The following HEATR4 variants were observed in gnomAD, a reference collection of about 807,000 sequenced individuals.
HEATR4 encodes HEAT repeat-containing protein 4.
HEATR4 carries 95 observed loss-of-function variants against 108.8 expected under a neutral mutation model. The ratio of observed to expected loss-of-function variants is 0.87; its 90% confidence interval spans 0.74 to 1.04. The LOEUF is 1.04. Among genes scored for constraint, HEATR4 ranks in the 50% least tolerant of loss-of-function variants. The probability of loss-of-function intolerance (pLI) is 0.00; values close to 1 mark genes in which losing one functional copy is unlikely to be tolerated. For missense variants in HEATR4, 1,152 were observed against 1,253.8 expected (o/e 0.92, Z 1.23); for synonymous variants, 443 against 459.4 (o/e 0.96, Z 0.46).
At chr14:73,520,551 T>C in intron 4 of HEATR4, 1 of 263,858 alleles carries the variant, frequency 3.8e-6, no homozygotes, top group Non-Finnish European at 7.1e-6. Flanking sequence ...GGGAGAAGGG[T>C]AGATAGAGAA....
In HEATR4 at chr14:73,538,350, A is replaced by C. The variant is rs1193194270; in HGVS notation, c.-151-8106T>G. ...TTGTAAGGGCTGGGCGCGCTGGCTC[A>C]CGCCTGTAATCCCAGCACTTTGAGA... is the stretch of plus-strand genomic sequence containing the variant. On this transcript the variant is annotated intron_variant, in intron 1 of 17. Transcript: ENST00000553558. Among the ~76,000 whole-genome samples the C allele has an allele frequency of 1.4e-4, 16 of 114,568 alleles. 5 individuals are homozygous for C. Among genetic ancestry groups the C allele is most frequent in the Non-Finnish European group, 3.0e-4 (16 of 52,664 alleles). The allele number at this position is 114,568 out of a possible 152,430, so 75.2% of individuals were successfully genotyped here.
At chr14:73,612,800 C>G in the HEATR4 span, 1 of 1,396,490 alleles carries the variant, frequency 7.2e-7, no homozygotes, top group Non-Finnish European at 9.3e-7. Flanking sequence ...GGGGCTCCAG[C>G]CCATGGGGCT....
At chr14:73,583,140 A>G in the HEATR4 span, among the ~76,000 whole-genome samples, 17 of 151,876 alleles carry the variant, frequency 1.1e-4, no homozygotes, top group South Asian at 2.1e-3. Context: ...TCAGGAGTTC[A>G]AGACCAGCCT....
chr14:73,551,502 C>T (rs1328320352), intron 1 of HEATR4, among the ~76,000 whole-genome samples: 1 of 113,946 alleles, frequency 8.8e-6, no homozygotes, highest in African/African-American at 2.9e-5. Flanking sequence ...TTCCTGGGCA[C>T]GTGCATTAAG....
Position 73,492,104 on chromosome 14 carries a change from C to G in HEATR4, c.2844+962G>C. On this transcript the variant is annotated intron_variant, in intron 17 of 17. Coordinates refer to ENST00000553558, the MANE Select transcript of HEATR4 (RefSeq NM_001220484.1). The surrounding 1 kb of genome is among the most constrained non-coding windows in gnomAD (Gnocchi z 4.9). ...GAAACTCTGGCGTGTATACCGACCC[C>G]GAGTCCCAACCGAGGAACTGGCTCT... 1 of 1,613,972 alleles carries G rather than the reference C, an allele frequency of 6.2e-7. No individual in the cohort carries two copies. The highest frequency in any genetic ancestry group is 1.7e-5 in the Admixed American group (1 of 60,014).
At chr14:73,575,167 G>A in the HEATR4 span, 2 of 1,165,410 alleles carry the variant, frequency 1.7e-6, no homozygotes, top group South Asian at 1.4e-5. Flanking sequence ...GACCAGAAGA[G>A]CTTCATTCCT....
chr14:73,592,306 C>T, the HEATR4 span: 18 of 1,611,462 alleles, frequency 1.1e-5, no homozygotes, highest in African/African-American at 1.7e-4. Context: ...GACCCCGAGC[C>T]TGGACGGCTG....
rs768149214 is a variant in HEATR4, at chr14:73,492,956, T to A, written c.2844+110A>T. The A allele has an allele frequency of 6.2e-7, 1 of 1,610,944 alleles. No individual in the cohort carries two copies. The highest frequency in any genetic ancestry group is 1.7e-5 in the Admixed American group (1 of 59,660). ...AGCCCTAAATTAGTTTCTTGTTGAT[T>A]GCTGGAAACAAGGCAGTAGTGATTC... On this transcript the variant is annotated intron_variant, in intron 17 of 17. Transcript: ENST00000553558. This position sits in a 1 kb window ranked among gnomAD's most constrained non-coding sequence, Gnocchi z 4.9.
intron 4 of HEATR4, 106 bp from the exon 5 acceptor site, chr14:73,519,269 T>A: frequency 8.5e-7 from 1 of 1,181,076 alleles, no homozygotes; most frequent in Non-Finnish European, 1.2e-6. Context: ...TGCCCTAATC[T>A]AAGCCCCTAG....
chr14:73,629,203 A>T, the HEATR4 span, among the ~76,000 whole-genome samples: 1 of 152,218 alleles, frequency 6.6e-6, no homozygotes, highest in Non-Finnish European at 1.5e-5. Flanking sequence ...AATCATTAGC[A>T]TTATTTAGCA....
chr14:73,588,148 C>T, the HEATR4 span, among the ~76,000 whole-genome samples: 4 of 152,000 alleles, frequency 2.6e-5, no homozygotes, highest in African/African-American at 9.7e-5. Context: ...ATTACAGGGC[C>T]GTACCACCAC....
intron 2 of HEATR4, among the ~76,000 whole-genome samples, chr14:73,523,925 G>GTC (rs1253346053): frequency 6.6e-6 from 1 of 152,098 alleles, no homozygotes; most frequent in Admixed American, 6.6e-5. Context: ...CAGTGACCAT[G>GTC]TCTCCCATTT....
At chr14:73,569,717 C>A in the HEATR4 span, 199 of 1,609,342 alleles carry the variant, frequency 1.2e-4, 2 homozygotes, top group African/African-American at 2.4e-3. Flanking sequence ...TGAAGCGCGA[C>A]GTGCGAACGC....
the HEATR4 span, among the ~76,000 whole-genome samples, chr14:73,570,041 G>A: frequency 6.7e-6 from 1 of 150,326 alleles, no homozygotes; most frequent in Non-Finnish European, 1.5e-5. Context: ...CTATCTTCCC[G>A]CCTCTGCCTC....
the HEATR4 span, among the ~76,000 whole-genome samples, chr14:73,588,365 T>C: frequency 6.6e-6 from 1 of 152,284 alleles, no homozygotes; most frequent in South Asian, 2.1e-4. Flanking sequence ...AGTACCGTCA[T>C]GTGAAGTTCC....
chr14:73,502,863 A>AAT lies in HEATR4; in HGVS notation c.2105+31_2105+32insAT, dbSNP rs768045009. The stretch of plus-strand genomic sequence containing the variant: ...CTCCTAAACACTTCTAAGAATTTAG[A>AAT]AGAGTGTCTCCTCATGTTGACTGGG... On this transcript the variant is annotated intron_variant, in intron 11 of 17. Transcript: ENST00000553558. 7 of 1,525,432 alleles carry AAT rather than the reference A, an allele frequency of 4.6e-6. No homozygotes were observed. In the East Asian group the frequency reaches 1.4e-4, roughly 29 times the overall value. The allele number at this position is 1,525,432 out of a possible 1,614,324, so 94.5% of individuals were successfully genotyped here. A position where few individuals can be genotyped will look rare whatever the true frequency, so the allele number is the denominator to read the frequency against.
At chr14:73,563,008 T>G (rs1889551436), upstream of HEATR4, among the ~76,000 whole-genome samples, 1 of 151,990 alleles carries the variant, frequency 6.6e-6, no homozygotes, top group African/African-American at 2.4e-5. Flanking sequence ...TATTAGTGGT[T>G]CTGCTTTTGC....
At position 73,537,154 on chromosome 14, in the gene HEATR4, C is replaced by T. The variant is rs1888889029; in HGVS notation, c.-151-6910G>A. 5.7e-5 allele frequency: 20 copies of T among 352,238 alleles called. 2 individuals carry two copies. Among genetic ancestry groups the T allele is most frequent in the Non-Finnish European group, 8.6e-5 (18 of 209,582 alleles). The allele number at this position is 352,238 out of a possible 1,614,324, so 21.8% of individuals were successfully genotyped here. A position where few individuals can be genotyped will look rare whatever the true frequency, so the allele number is the denominator to read the frequency against. ...TCCTGGCCCAGCCCATTCCGCGAGCCAGCAAGCTTCTGAAAAGCAAACCTA... is the reference window on the plus strand; with the variant it reads ...TCCTGGCCCAGCCCATTCCGCGAGCTAGCAAGCTTCTGAAAAGCAAACCTA... On this transcript the variant is annotated intron_variant, in intron 1 of 17. Coordinates refer to ENST00000553558, the MANE Select transcript of HEATR4 (RefSeq NM_001220484.1).
the HEATR4 span, among the ~76,000 whole-genome samples, chr14:73,626,892 A>G: frequency 3.4e-5 from 5 of 144,958 alleles, no homozygotes; most frequent in South Asian, 8.6e-4. Flanking sequence ...TCTGCCTCCA[A>G]GTGATTCTCC....
Sources: allele counts gnomAD v4.1 joint callset (sites outside exome capture counted in the v4.1 genomes callset), GRCh38; gene constraint gnomAD v4.1.1; non-coding constraint Gnocchi (gnomAD v3.1); transcripts MANE v1.5; gene names NCBI Gene and HGNC (gene_info 2026-07-23, HGNC 2026-07-21).